Variants in AFF2 observed in about 807,000 individuals in gnomAD.
The protein encoded by AFF2 is ALF transcription elongation factor 2.
Under a neutral mutation model 76.9 loss-of-function variants are expected in AFF2, and 14 were observed. That is an observed-to-expected ratio of 0.18 (90% CI 0.12 to 0.28). AFF2 has a LOEUF of 0.28. Ranked by LOEUF, AFF2 falls within the 10% of genes least tolerant of loss-of-function variation. The pLI, the probability that AFF2 is intolerant of heterozygous loss-of-function variation, is 1.00. For synonymous variants in AFF2, 398 were observed against 366.7 expected, an observed-to-expected ratio of 1.09 and a Z score of -0.98; for missense variants, 868 against 1,001.1, an observed-to-expected ratio of 0.87 and a Z score of 1.79.
At chrX:148,533,392 A>G (rs187273095) in intron 1 of AFF2, among the ~76,000 whole-genome samples, 20 of 109,824 alleles carry the variant, frequency 1.8e-4, no homozygotes, top group Middle Eastern at 4.7e-3. Context: ...TCCCGGGTTC[A>G]CGACATTCTC....
At chrX:148,818,598 T>C (rs1324869212) in intron 4 of AFF2, among the ~76,000 whole-genome samples, 1 of 111,401 alleles carries the variant, frequency 9.0e-6, no homozygotes, top group Non-Finnish European at 1.9e-5. Context: ...ATATGGAAGA[T>C]TTTAATTTAT....
intron 3 of AFF2, among the ~76,000 whole-genome samples, chrX:148,753,408 C>T (rs781824082): frequency 1.4e-4 from 16 of 111,428 alleles, no homozygotes; most frequent in African/African-American, 4.2e-4. Flanking sequence ...CAATTATATA[C>T]CCCTGGAGGA....
chrX:148,857,779 C>A (rs781865097), intron 7 of AFF2, among the ~76,000 whole-genome samples: 1 of 111,133 alleles, frequency 9.0e-6, no homozygotes, highest in Admixed American at 9.6e-5. Flanking sequence ...CTCCTAGAAA[C>A]CTGTTCAAAA....
intron 7 of AFF2, among the ~76,000 whole-genome samples, chrX:148,877,522 G>T (rs2071048643): frequency 8.9e-6 from 1 of 112,630 alleles, no homozygotes; most frequent in African/African-American, 3.2e-5. Flanking sequence ...TTTTAGTTGG[G>T]CCTACATTGT....
intron 3 of AFF2, among the ~76,000 whole-genome samples, chrX:148,785,955 C>T (rs782701968): frequency 1.8e-5 from 2 of 111,578 alleles, no homozygotes; most frequent in South Asian, 3.8e-4. Flanking sequence ...TGACTCACTT[C>T]GTACCCAGGT....
chrX:148,859,883 A>G (rs2070827901), intron 7 of AFF2, among the ~76,000 whole-genome samples: 1 of 110,590 alleles, frequency 9.0e-6, no homozygotes, highest in African/African-American at 3.3e-5. Flanking sequence ...GGTTTGATGC[A>G]TAGGTATACA....
intron 3 of AFF2, among the ~76,000 whole-genome samples, chrX:148,765,864 C>A (rs1159340249): frequency 1.4e-5 from 1 of 72,570 alleles, no homozygotes; most frequent in Non-Finnish European, 2.5e-5. Flanking sequence ...CTCCCCCCAC[C>A]CCACAACAGT....
At chrX:148,723,924 T>C (rs1157509298) in intron 3 of AFF2, among the ~76,000 whole-genome samples, 2 of 105,780 alleles carry the variant, frequency 1.9e-5, no homozygotes, top group African/African-American at 6.9e-5. Context: ...TTTTTCTTTT[T>C]TTTTTTTTTT....
chrX:148,722,605 C>T (rs1557263922), intron 3 of AFF2, among the ~76,000 whole-genome samples: 1 of 111,293 alleles, frequency 9.0e-6, no homozygotes, highest in Non-Finnish European at 1.9e-5. Flanking sequence ...TGTTTCCAGT[C>T]CCTTCTCCCT....
chrX:148,740,563 A>AT (rs782705100), intron 3 of AFF2, among the ~76,000 whole-genome samples: 58 of 111,409 alleles, frequency 5.2e-4, no homozygotes, highest in African/African-American at 1.9e-3. Flanking sequence ...TTCTTGTATC[A>AT]TTTTTTGGAT....
intron 3 of AFF2, among the ~76,000 whole-genome samples, chrX:148,704,244 TTA>T (rs1373517693): frequency 2.9e-5 from 1 of 34,094 alleles, no homozygotes; most frequent in Non-Finnish European, 5.9e-5. Context: ...ATATATATAT[TTA>T]TATATATATG....
rs201075062 is a variant in AFF2, at chrX:148,956,382, A to C, written c.2337A>C (p.Ser779=). The stretch of plus-strand genomic sequence containing the variant: ...TCAGTAATGAAGAGCCAACATTTTC[A>C]CCTATTCCTGTCATGCAAACTGAAA... The part of the protein sequence containing the change: ...LSISNEEPTF[S]PIPVMQTEIL... The change falls in exon 11 of 21, where the codon TCA becomes TCC. Residue 779 remains serine (S), a synonymous_variant. Transcript: ENST00000370460. 3 of 1,211,393 alleles carry C rather than the reference A, an allele frequency of 2.5e-6. No individual in the cohort carries two copies. Among genetic ancestry groups the C allele is most frequent in the Non-Finnish European group, 2.2e-6 (2 of 895,311 alleles).
intron 3 of AFF2, among the ~76,000 whole-genome samples, chrX:148,685,626 CAAT>C (rs2054592894): frequency 9.0e-6 from 1 of 111,423 alleles, no homozygotes; most frequent in East Asian, 2.8e-4. Flanking sequence ...TAATAAACAA[CAAT>C]GATTCTGGTG....
At chrX:148,967,351 A>T (rs1194150587) in intron 14 of AFF2, among the ~76,000 whole-genome samples, 1 of 111,718 alleles carries the variant, frequency 9.0e-6, no homozygotes, top group Non-Finnish European at 1.9e-5. Flanking sequence ...CATATAACCA[A>T]CACACAGATG....
intron 3 of AFF2, among the ~76,000 whole-genome samples, chrX:148,797,945 A>G (rs1230124720): frequency 2.7e-5 from 3 of 112,029 alleles, no homozygotes; most frequent in African/African-American, 6.5e-5. Context: ...GGTCTTGTCT[A>G]CTCGTCTATA....
At chrX:148,709,955 T>C (rs782662970) in intron 3 of AFF2, among the ~76,000 whole-genome samples, 2 of 111,767 alleles carry the variant, frequency 1.8e-5, no homozygotes, top group Non-Finnish European at 3.8e-5. Context: ...TGAGAAAGCC[T>C]AAAATAAGAA....
At chrX:148,923,281 T>A (rs1557283429) in intron 9 of AFF2, among the ~76,000 whole-genome samples, 1 of 112,203 alleles carries the variant, frequency 8.9e-6, no homozygotes, top group Admixed American at 9.5e-5. Context: ...ATGTATAGTA[T>A]GATGCATATG....
At chrX:148,539,382 A>G (rs2052826926) in intron 1 of AFF2, among the ~76,000 whole-genome samples, 1 of 111,565 alleles carries the variant, frequency 9.0e-6, no homozygotes, top group African/African-American at 3.3e-5. Context: ...TTTCTCAGCC[A>G]TGCTATTTTC....
At position 148,980,756 on chromosome X, in the gene AFF2, G is replaced by A. The variant is rs373659849; in HGVS notation, c.3589G>A (p.Ala1197Thr). 32 of 1,194,993 alleles carry A rather than the reference G, an allele frequency of 2.7e-5. No individual in the cohort carries two copies. The highest frequency in any genetic ancestry group is 2.5e-4 in the African/African-American group (14 of 56,854). ...CTTTTAGCAAAATGCTTCAAAAGTC[G>A]CACAGATACCCTCTCCATGGGTAAG... ...EYFKQNASKV[A>T]QIPSPWVSNG... The change falls in exon 19 of 21, where the codon GCA becomes ACA. Residue 1197 changes from alanine (A) to threonine (T), a missense_variant. Ala to Thr is a moderately conservative substitution (Grantham distance 58, BLOSUM62 0). Around this residue, in one of 6 missense-constraint regions of AFF2, gnomAD observed 46 missense variants for 40.8 expected, o/e 1.13. Transcript: ENST00000370460.
Sources: gnomAD v4.1 joint callset for allele counts (sites outside exome capture counted in the v4.1 genomes callset) on GRCh38, gnomAD v4.1.1 for gene constraint, gnomAD v4.1.1 regional missense constraint, MANE v1.5 for transcripts, NCBI Gene and HGNC (gene_info 2026-07-23, HGNC 2026-07-21) for gene names.